Variants in GFOD1 observed in about 807,000 individuals in gnomAD.
GFOD1 encodes the protein glucose-fructose oxidoreductase domain-containing protein 1.
In GFOD1, 9 loss-of-function variants were observed where a neutral mutation model predicts 25.4. The observed-to-expected ratio is 0.35, with a 90% CI of 0.21 to 0.62. The LOEUF (loss-of-function observed/expected upper bound fraction) is 0.62, where lower values mean the gene tolerates loss of function less well. GFOD1 is among the 20% of genes least tolerant of loss of function. The pLI, the probability that GFOD1 is intolerant of heterozygous loss-of-function variation, is 0.72. For missense variants in GFOD1, 403 were observed against 556.9 expected (o/e 0.72, Z 2.78); for synonymous variants, 253 against 245.6 (o/e 1.03, Z -0.28).
At chr6:13,405,110 C>T (rs2127564375) in intron 1 of GFOD1, among the ~76,000 whole-genome samples, 1 of 152,290 alleles carries the variant, frequency 6.6e-6, no homozygotes, top group East Asian at 1.9e-4. Context: ...TCCAACTTTC[C>T]TCTTATAAAG....
At chr6:13,379,663 G>C (rs61601268) in intron 1 of GFOD1, among the ~76,000 whole-genome samples, 2 of 152,170 alleles carry the variant, frequency 1.3e-5, no homozygotes, top group Non-Finnish European at 2.9e-5. Flanking sequence ...ATACATTTCC[G>C]TGAGGAACTA....
chr6:13,396,121 G>A (rs1353899662), intron 1 of GFOD1, among the ~76,000 whole-genome samples: 4 of 152,282 alleles, frequency 2.6e-5, no homozygotes, highest in African/African-American at 9.6e-5. Flanking sequence ...CTAAGCTGAG[G>A]AACAGTGTCA....
chr6:13,445,551 T>C (rs1323732365), intron 1 of GFOD1, among the ~76,000 whole-genome samples: 1 of 152,226 alleles, frequency 6.6e-6, no homozygotes, highest in African/African-American at 2.4e-5. Context: ...GCCTGGCTTC[T>C]TTCCCCTCCA....
At chr6:13,390,674 C>T (rs1242863963) in intron 1 of GFOD1, among the ~76,000 whole-genome samples, 5 of 149,854 alleles carry the variant, frequency 3.3e-5, no homozygotes, top group Non-Finnish European at 7.4e-5. Flanking sequence ...CTGTAGTGAG[C>T]CATGCTAGCA....
At chr6:13,381,913 GCGCACACA>G (rs1257811225) in intron 1 of GFOD1, among the ~76,000 whole-genome samples, 2,779 of 104,570 alleles carry the variant, frequency 0.027, 86 homozygotes, top group African/African-American at 0.08. Context: ...ACACGCGCGC[GCGCACACA>G]CACACACACA....
chr6:13,407,431 C>T (rs1472373830), intron 1 of GFOD1, among the ~76,000 whole-genome samples: 1 of 152,180 alleles, frequency 6.6e-6, no homozygotes, highest in African/African-American at 2.4e-5. Flanking sequence ...CTACATCTTC[C>T]TCCTTGCCTT....
At chr6:13,407,909 C>A (rs989007200) in intron 1 of GFOD1, 1 of 967,502 alleles carries the variant, frequency 1.0e-6, no homozygotes, top group Non-Finnish European at 1.2e-6. Flanking sequence ...CCTGTACTCA[C>A]CCAACCAACT....
At position 13,397,903 on chromosome 6, in the gene GFOD1, A is replaced by G. The variant is rs141302447; in HGVS notation, c.254-32241T>C. ...AAAACAAATTTTGCATTAATTTTTAAAAGAAGACTTTTCCGACTATGGGCC... is the reference window on the plus strand; with the variant it reads ...AAAACAAATTTTGCATTAATTTTTAGAAGAAGACTTTTCCGACTATGGGCC... On this transcript the variant is annotated intron_variant, in intron 1 of 1. Coordinates refer to ENST00000379287, the MANE Select transcript of GFOD1 (RefSeq NM_018988.4). Among the ~76,000 whole-genome samples, 514 of 152,344 alleles carry G rather than the reference A, an allele frequency of 3.4e-3. 5 individuals are homozygous for G. The highest frequency in any genetic ancestry group is 0.012 in the African/African-American group (495 of 41,580).
At chr6:13,403,560 T>A (rs1336613887) in intron 1 of GFOD1, among the ~76,000 whole-genome samples, 3 of 152,244 alleles carry the variant, frequency 2.0e-5, no homozygotes, top group African/African-American at 7.2e-5. Flanking sequence ...TAAGTACTTG[T>A]GTATCTGTAA....
chr6:13,434,765 G>A (rs145617722), intron 1 of GFOD1, among the ~76,000 whole-genome samples: 380 of 152,362 alleles, frequency 2.5e-3, no homozygotes, highest in Non-Finnish European at 3.6e-3. Flanking sequence ...CTTGAAGACA[G>A]TAAATAGAAG....
intron 1 of GFOD1, among the ~76,000 whole-genome samples, chr6:13,427,614 G>A (rs1488083210): frequency 6.6e-6 from 1 of 152,146 alleles, no homozygotes; most frequent in African/African-American, 2.4e-5. Flanking sequence ...TTGTACCACT[G>A]CATTCCAGCC....
At chr6:13,393,368 C>CAAAAAAAAAAAAAAAAAAAA (rs70989853) in intron 1 of GFOD1, among the ~76,000 whole-genome samples, 1 of 72,490 alleles carries the variant, frequency 1.4e-5, no homozygotes, top group Non-Finnish European at 2.5e-5. Flanking sequence ...AAACAACCAC[C>CAAAAAAAAAAAAAAAAAAAA]AAAAAAAAAA....
intron 1 of GFOD1, among the ~76,000 whole-genome samples, chr6:13,466,737 G>A (rs945042239): frequency 3.9e-5 from 6 of 152,202 alleles, no homozygotes; most frequent in Admixed American, 1.3e-4. Context: ...TGCAGAAGGA[G>A]CTAACCCCAA....
At chr6:13,381,915 GCACACACACA>G (rs112808546) in intron 1 of GFOD1, among the ~76,000 whole-genome samples, 2,169 of 140,108 alleles carry the variant, frequency 0.015, 51 homozygotes, top group African/African-American at 0.055. Context: ...ACGCGCGCGC[GCACACACACA>G]CACACACACA....
chr6:13,468,287 A>G (rs539922342), intron 1 of GFOD1, among the ~76,000 whole-genome samples: 1 of 152,292 alleles, frequency 6.6e-6, no homozygotes, highest in Non-Finnish European at 1.5e-5. Context: ...AAATTATCAT[A>G]AGAAAATTTC....
intron 1 of GFOD1, among the ~76,000 whole-genome samples, chr6:13,483,436 G>A (rs1324782286): frequency 6.6e-6 from 1 of 152,190 alleles, no homozygotes; most frequent in African/African-American, 2.4e-5. Context: ...TTCAGGATGT[G>A]AGGCTGGGCA....
intron 1 of GFOD1, among the ~76,000 whole-genome samples, chr6:13,453,704 C>A (rs1758140049): frequency 6.6e-6 from 1 of 152,176 alleles, no homozygotes. Context: ...CTTTAAAGAA[C>A]TTTATGTGTA....
At chr6:13,397,868 T>C (rs1026055526) in intron 1 of GFOD1, among the ~76,000 whole-genome samples, 2 of 152,192 alleles carry the variant, frequency 1.3e-5, no homozygotes, top group Non-Finnish European at 2.9e-5. Flanking sequence ...CACTGTCACA[T>C]TTGGAACTGA....
In GFOD1 at chr6:13,410,577, G is replaced by GGAGAGAGAGAGAGAGAGA. The variant is rs10530261; in HGVS notation, c.254-44933_254-44916dup. Among the ~76,000 whole-genome samples, 99 of 128,168 alleles carry GGAGAGAGAGAGAGAGAGA rather than the reference G, an allele frequency of 7.7e-4. 1 individual carries two copies. Among genetic ancestry groups the GGAGAGAGAGAGAGAGAGA allele is most frequent in the African/African-American group, 2.3e-3 (63 of 27,828 alleles). The allele number at this position is 128,168 out of a possible 152,430, so 84.1% of individuals were successfully genotyped here. ...AGCAAAACTCTGTCAAAGAAAGAAA[G>GGAGAGAGAGAGAGAGAGA]GAGAGAGAGAGAGAGAGAGAGAGAG... On this transcript the variant is annotated intron_variant, in intron 1 of 1. Coordinates refer to ENST00000379287, the MANE Select transcript of GFOD1 (RefSeq NM_018988.4).
Sources: gnomAD v4.1 joint callset for allele counts (sites outside exome capture counted in the v4.1 genomes callset) on GRCh38, gnomAD v4.1.1 for gene constraint, MANE v1.5 for transcripts, NCBI Gene and HGNC (gene_info 2026-07-23, HGNC 2026-07-21) for gene names.